Variants in UBE2D2 observed in about 807,000 individuals in gnomAD.
UBE2D2 encodes ubiquitin conjugating enzyme E2 D2.
UBE2D2 carries 2 observed loss-of-function variants against 24.2 expected under a neutral mutation model. That is an observed-to-expected ratio of 0.08 (90% CI 0.03 to 0.26). The LOEUF is 0.26. Ranked by LOEUF, UBE2D2 falls within the 10% of genes least tolerant of loss-of-function variation. The pLI is 1.00. For missense variants in UBE2D2, 44 were observed against 177.6 expected (o/e 0.25, Z 4.28); for synonymous variants, 58 against 56.5 (o/e 1.03, Z -0.12).
intron 1 of UBE2D2, among the ~76,000 whole-genome samples, chr5:139,574,892 T>C (rs1753435209): frequency 6.6e-6 from 1 of 152,124 alleles, no homozygotes; most frequent in Admixed American, 6.6e-5. Flanking sequence ...TAGAAGAGGG[T>C]TTAGCATTTT....
chr5:139,615,037 A>G (rs1477433591), intron 5 of UBE2D2, 71 bp downstream of exon 5: 1 of 1,371,654 alleles, frequency 7.3e-7, no homozygotes, highest in African/African-American at 1.5e-5. Context: ...TTTATTTTTG[A>G]AAAGATTACT....
intron 1 of UBE2D2, among the ~76,000 whole-genome samples, chr5:139,578,439 TG>T (rs1340198327): frequency 7.8e-6 from 1 of 128,928 alleles, no homozygotes; most frequent in African/African-American, 2.8e-5. Flanking sequence ...GTGTTTTGTG[TG>T]TGTGTGTGTG....
chr5:139,540,005 C>T (rs537722025), intron 1 of UBE2D2, among the ~76,000 whole-genome samples: 109 of 150,798 alleles, frequency 7.2e-4, no homozygotes, highest in African/African-American at 2.5e-3. Context: ...CTGCAACCTC[C>T]GCCTCCTGGG....
rs964353841 is a variant in UBE2D2, at chr5:139,561,607, G to T, written c.-185G>T. 8 of 447,816 alleles carry T rather than the reference G, an allele frequency of 1.8e-5. No individual in the cohort carries two copies. Among genetic ancestry groups the T allele is most frequent in the African/African-American group, 1.2e-4 (6 of 48,866 alleles). The allele number at this position is 447,816 out of a possible 1,614,324, so 27.7% of individuals were successfully genotyped here. A position where few individuals can be genotyped will look rare whatever the true frequency, so the allele number is the denominator to read the frequency against. ...GCCGCCGGGTGATGCGGTGACCGCT[G>T]CGGCAGGCCCAGGAGCTGAGTGGGC... On this transcript the variant is annotated 5_prime_UTR_variant, in exon 1 of 7. Transcript: ENST00000398733.
chr5:139,598,548 A>G (rs1754005408), intron 1 of UBE2D2, among the ~76,000 whole-genome samples: 1 of 147,794 alleles, frequency 6.8e-6, no homozygotes, highest in South Asian at 2.1e-4. Flanking sequence ...TCTGACTACA[A>G]AGCCTTTTTT....
At chr5:139,558,297 T>C (rs1215511807), upstream of UBE2D2, among the ~76,000 whole-genome samples, 1 of 152,192 alleles carries the variant, frequency 6.6e-6, no homozygotes, top group Non-Finnish European at 1.5e-5. Flanking sequence ...ATTTTCTTAT[T>C]TGTTTTTTGA....
chr5:139,535,132 A>T (rs893913200), intron 1 of UBE2D2, among the ~76,000 whole-genome samples: 1 of 149,758 alleles, frequency 6.7e-6, no homozygotes, highest in Non-Finnish European at 1.5e-5. Flanking sequence ...ACAAAGTGAG[A>T]CTTTATCTCA....
At chr5:139,582,326 G>C (rs1753621732) in intron 1 of UBE2D2, among the ~76,000 whole-genome samples, 1 of 150,792 alleles carries the variant, frequency 6.6e-6, no homozygotes. Flanking sequence ...GCAGTGGTAT[G>C]ATCTTAGCTC....
At chr5:139,567,705 T>A (rs1196223576) in intron 1 of UBE2D2, among the ~76,000 whole-genome samples, 1 of 151,708 alleles carries the variant, frequency 6.6e-6, no homozygotes, top group Non-Finnish European at 1.5e-5. Context: ...AGCTACTTTT[T>A]GTATTTTCAG....
chr5:139,550,872 C>G (rs893681375), intron 1 of UBE2D2, among the ~76,000 whole-genome samples: 2 of 152,172 alleles, frequency 1.3e-5, no homozygotes, highest in Non-Finnish European at 2.9e-5. Flanking sequence ...GACATACCAT[C>G]TTTAAGAACT....
At chr5:139,615,798 A>G (rs905985720) in intron 5 of UBE2D2, among the ~76,000 whole-genome samples, 2 of 148,828 alleles carry the variant, frequency 1.3e-5, no homozygotes, top group Non-Finnish European at 3.0e-5. Flanking sequence ...TTATTCCCAG[A>G]TGAAATCACA....
intron 1 of UBE2D2, among the ~76,000 whole-genome samples, chr5:139,541,358 T>C (rs1361375679): frequency 3.4e-5 from 5 of 147,698 alleles, no homozygotes; most frequent in Non-Finnish European, 7.4e-5. Flanking sequence ...TCCCAGCACT[T>C]TGGGAGGCCG....
At chr5:139,560,699 T>G (rs554217124), upstream of UBE2D2, among the ~76,000 whole-genome samples, 3 of 152,266 alleles carry the variant, frequency 2.0e-5, no homozygotes, top group African/African-American at 7.2e-5. Context: ...AGTGCTTGCT[T>G]GTAACAATTT....
Position 139,562,352 on chromosome 5 carries a change from C to T in UBE2D2, c.24+537C>T, listed in dbSNP as rs370299557. The T allele has an allele frequency of 1.5e-4, 202 of 1,340,156 alleles. 2 individuals carry two copies. In the South Asian group the frequency reaches 2.2e-3, roughly 14 times the overall value. 83.0% of individuals were successfully genotyped at this position (1,340,156 alleles called of 1,614,324 possible). On this transcript the variant is annotated intron_variant, in intron 1 of 6. Coordinates refer to ENST00000398733, the MANE Select transcript of UBE2D2 (RefSeq NM_003339.3). ...CTCTTGGGTGGCAGCACACATCGGT[C>T]CACCCTGCTTGTCCAGAAACTGTTA...
intron 1 of UBE2D2, among the ~76,000 whole-genome samples, chr5:139,544,244 C>T (rs1752796146): frequency 6.6e-6 from 1 of 150,938 alleles, no homozygotes; most frequent in Non-Finnish European, 1.5e-5. Context: ...AGTCCTCCCA[C>T]CTCAGCCTCA....
At chr5:139,603,711 T>G (rs921892925) in intron 2 of UBE2D2, among the ~76,000 whole-genome samples, 18 of 147,634 alleles carry the variant, frequency 1.2e-4, no homozygotes, top group African/African-American at 4.5e-4. Context: ...CCGAGGCAGG[T>G]GGATTACCTG....
intron 1 of UBE2D2, among the ~76,000 whole-genome samples, chr5:139,551,307 C>T (rs1035238253): frequency 2.0e-5 from 3 of 152,146 alleles, no homozygotes; most frequent in Admixed American, 1.3e-4. Flanking sequence ...TAAGATCGTG[C>T]CATTGCACTC....
intron 1 of UBE2D2, among the ~76,000 whole-genome samples, chr5:139,596,758 A>AATG (rs1278247163): frequency 6.6e-6 from 1 of 151,602 alleles, no homozygotes; most frequent in Non-Finnish European, 1.5e-5. Flanking sequence ...TAATAATAAT[A>AATG]ATAATAGGCC....
In UBE2D2 at chr5:139,549,561, G is replaced by A. The variant is rs745890071; in HGVS notation, c.-64+22949G>A. Among the ~76,000 whole-genome samples the A allele has an allele frequency of 1.1e-4, 16 of 152,200 alleles. No individual in the cohort carries two copies. In the South Asian group the frequency reaches 1.2e-3, roughly 12 times the overall value. On this transcript the variant is annotated intron_variant, in intron 1 of 6. Coordinates refer to the UBE2D2 transcript ENST00000511725. The stretch of plus-strand genomic sequence containing the variant: ...CCTGCTCTGCGCTCAAATTCTTGCC[G>A]GGCCTCAGCACCTGCCCGCAGGGCA...
Sources: allele counts gnomAD v4.1 joint callset (sites outside exome capture counted in the v4.1 genomes callset), GRCh38; gene constraint gnomAD v4.1.1; transcripts MANE v1.5; gene names NCBI Gene and HGNC (gene_info 2026-07-23, HGNC 2026-07-21).